FHIT: variants seen among roughly 807,000 people sequenced by gnomAD.
FHIT encodes the protein fragile histidine triad diadenosine triphosphatase, also known as bis(5'-adenosyl)-triphosphatase.
A neutral mutation model predicts 17.9 loss-of-function variants in FHIT; 19 were observed. The observed-to-expected ratio is 1.06, with a 90% CI of 0.74 to 1.56. The LOEUF is 1.56. FHIT is among the 40% of genes most tolerant of loss of function. FHIT has a pLI of 0.00. For missense variants in FHIT, 248 were observed against 189.2 expected (o/e 1.31, Z -1.82); for synonymous variants, 81 against 69.7 (o/e 1.16, Z -0.81).
At chr3:61,212,372 C>T (rs993217854) in intron 1 of FHIT, among the ~76,000 whole-genome samples, 11 of 151,958 alleles carry the variant, frequency 7.2e-5, no homozygotes, top group African/African-American at 1.2e-4. Flanking sequence ...CCTCAGGAGC[C>T]GATGCGATCA....
chr3:60,058,484 A>G (rs1457051685), intron 5 of FHIT, among the ~76,000 whole-genome samples: 1 of 152,194 alleles, frequency 6.6e-6, no homozygotes, highest in Non-Finnish European at 1.5e-5. Context: ...TAGTGTGATG[A>G]CTGCACAACA....
chr3:60,155,558 T>C (rs1700650771), intron 5 of FHIT, among the ~76,000 whole-genome samples: 1 of 152,072 alleles, frequency 6.6e-6, no homozygotes, highest in African/African-American at 2.4e-5. Context: ...CCTGGTTGGG[T>C]GGTCAATTGC....
In FHIT at chr3:60,708,272, G is replaced by C. The variant is rs532586705; in HGVS notation, c.-18+113647C>G. Among the ~76,000 whole-genome samples, 10 of 152,248 alleles carry C rather than the reference G, an allele frequency of 6.6e-5. No individual in the cohort carries two copies. The East Asian group carries it at 1.7e-3, about 26-fold the overall frequency. ...GCTTATTTACACAGCCTTACTAATG[G>C]GCAATTTGCCAGAGGAATCCAAACC... On this transcript the variant is annotated intron_variant, in intron 4 of 9. Coordinates refer to ENST00000492590, the MANE Select transcript of FHIT (RefSeq NM_002012.4).
chr3:61,113,167 C>A (rs1009755595), intron 2 of FHIT, among the ~76,000 whole-genome samples: 1 of 151,972 alleles, frequency 6.6e-6, no homozygotes, highest in Non-Finnish European at 1.5e-5. Flanking sequence ...CCAAGACTGA[C>A]TAATGTTTTT....
intron 2 of FHIT, among the ~76,000 whole-genome samples, chr3:61,086,797 A>G (rs1005043386): frequency 1.3e-5 from 2 of 152,130 alleles, no homozygotes; most frequent in Non-Finnish European, 2.9e-5. Context: ...AAATAAAGTC[A>G]TCATATAAAC....
intron 4 of FHIT, among the ~76,000 whole-genome samples, chr3:60,621,209 C>T (rs1479301520): frequency 7.3e-6 from 1 of 137,608 alleles, no homozygotes; most frequent in East Asian, 2.2e-4. Context: ...AGTGCAGTGG[C>T]ACTATCTGGA....
At chr3:60,359,167 G>GAA (rs921566446) in intron 5 of FHIT, among the ~76,000 whole-genome samples, 6 of 151,420 alleles carry the variant, frequency 4.0e-5, no homozygotes, top group Non-Finnish European at 8.8e-5. Context: ...ACACAGCAGA[G>GAA]ATTTTCCACA....
chr3:61,205,536 T>C (rs2039196083), intron 1 of FHIT, among the ~76,000 whole-genome samples: 1 of 152,316 alleles, frequency 6.6e-6, no homozygotes, highest in Admixed American at 6.5e-5. Flanking sequence ...AGATGGTATC[T>C]CATTGTGGTT....
intron 5 of FHIT, among the ~76,000 whole-genome samples, chr3:60,276,232 T>A (rs550970395): frequency 6.6e-6 from 1 of 152,076 alleles, no homozygotes; most frequent in Non-Finnish European, 1.5e-5. Flanking sequence ...GTGATCCGCC[T>A]GCCTCGGCCA....
chr3:60,418,458 C>T (rs1702347367), intron 5 of FHIT, among the ~76,000 whole-genome samples: 1 of 135,126 alleles, frequency 7.4e-6, no homozygotes, highest in Non-Finnish European at 1.5e-5. Flanking sequence ...GACGATTAGA[C>T]AGCCCTTACC....
intron 5 of FHIT, among the ~76,000 whole-genome samples, chr3:60,262,929 A>G (rs1264620291): frequency 6.6e-6 from 1 of 151,944 alleles, no homozygotes. Context: ...GGAAATAAAA[A>G]GCCAAGTCAC....
chr3:60,627,677 C>A (rs1553681349), intron 4 of FHIT, among the ~76,000 whole-genome samples: 1 of 152,118 alleles, frequency 6.6e-6, no homozygotes, highest in Non-Finnish European at 1.5e-5. Context: ...GCATGTGCCA[C>A]CACACCCGGC....
chr3:60,321,297 T>C (rs755324212), intron 5 of FHIT, among the ~76,000 whole-genome samples: 2 of 152,054 alleles, frequency 1.3e-5, no homozygotes, highest in South Asian at 2.1e-4. Context: ...CTGGGCAACA[T>C]GGTGAATCCC....
At chr3:60,185,941 G>A (rs1271714422) in intron 5 of FHIT, among the ~76,000 whole-genome samples, 1 of 152,056 alleles carries the variant, frequency 6.6e-6, no homozygotes, top group African/African-American at 2.4e-5. Flanking sequence ...TTTTCCATCT[G>A]CACATCTTTA....
intron 5 of FHIT, among the ~76,000 whole-genome samples, chr3:60,083,119 C>A (rs191432887): frequency 1.3e-5 from 2 of 152,164 alleles, no homozygotes; most frequent in African/African-American, 4.8e-5. Flanking sequence ...AATATTTAGT[C>A]AATTTTGAGG....
chr3:60,453,409 A>C (rs1417587739), intron 5 of FHIT, among the ~76,000 whole-genome samples: 1 of 152,334 alleles, frequency 6.6e-6, no homozygotes, highest in Non-Finnish European at 1.5e-5. Flanking sequence ...CCAGAGGGCT[A>C]AACTCATTCA....
chr3:60,500,337 T>C (rs1364036814), intron 5 of FHIT, among the ~76,000 whole-genome samples: 1 of 151,842 alleles, frequency 6.6e-6, no homozygotes, highest in East Asian at 1.9e-4. Context: ...TGTTCTCAAA[T>C]AAATAAAATA....
At chr3:60,551,396 G>A (rs1057196122) in intron 4 of FHIT, among the ~76,000 whole-genome samples, 5 of 135,840 alleles carry the variant, frequency 3.7e-5, no homozygotes, top group East Asian at 4.4e-4. Flanking sequence ...CAAAGCAGAA[G>A]GATCCCTTAA....
chr3:60,605,644 C>T (rs1177430506), intron 4 of FHIT, among the ~76,000 whole-genome samples: 1 of 152,158 alleles, frequency 6.6e-6, no homozygotes. Flanking sequence ...ACACAAGGTC[C>T]TTGCATCCAG....
Sources: gnomAD v4.1 joint callset for allele counts (sites outside exome capture counted in the v4.1 genomes callset) on GRCh38, gnomAD v4.1.1 for gene constraint, MANE v1.5 for transcripts, NCBI Gene and HGNC (gene_info 2026-07-23, HGNC 2026-07-21) for gene names.